Variants in SZRD1 observed in about 807,000 individuals in gnomAD.
The protein encoded by SZRD1 is SUZ RNA-binding domain-containing.
SZRD1 carries 7 observed loss-of-function variants against 17.6 expected under a neutral mutation model. That is an observed-to-expected ratio of 0.40 (90% CI 0.23 to 0.75). The LOEUF is 0.75. Ranked by LOEUF, SZRD1 falls within the 30% of genes least tolerant of loss-of-function variation. The pLI, the probability that SZRD1 is intolerant of heterozygous loss-of-function variation, is 0.38. For missense variants in SZRD1, 178 were observed against 201.8 expected (o/e 0.88, Z 0.71); for synonymous variants, 77 against 77.9 (o/e 0.99, Z 0.06).
intron 1 of SZRD1, chr1:16,369,141 A>G: frequency 2.4e-6 from 1 of 425,426 alleles, no homozygotes; most frequent in Non-Finnish European, 4.2e-6. Context: ...TATTCCAGAT[A>G]AATGAAATTT....
intron 1 of SZRD1, among the ~76,000 whole-genome samples, chr1:16,371,449 CTT>C (rs543590679): frequency 0.024 from 3,272 of 135,462 alleles, 162 homozygotes; most frequent in African/African-American, 0.086. Context: ...CTTTTTTTTC[CTT>C]TTTTTTTTTC....
Position 16,393,529 on chromosome 1 carries a change from C to T in SZRD1, c.356+47C>T, listed in dbSNP as rs866892910. On this transcript the variant is annotated intron_variant, in intron 3 of 3. Coordinates refer to ENST00000401088, the MANE Select transcript of SZRD1 (RefSeq NM_001114600.3). The surrounding 1 kb of genome is among the most constrained non-coding windows in gnomAD (Gnocchi z 5.6). ...GGCCAGTGATGGCTGTCCCAGTCCA[C>T]CCGGGAAGAGGAGAGCATCCTGGCT... is the stretch of plus-strand genomic sequence containing the variant. 1.9e-6 allele frequency: 3 copies of T among 1,556,630 alleles called. No homozygotes were observed. Among genetic ancestry groups the T allele is most frequent in the South Asian group, 1.2e-5 (1 of 86,076 alleles).
At position 16,371,876 on chromosome 1, in the gene SZRD1, T is replaced by C. The variant is rs180978210; in HGVS notation, c.51+4568T>C. ...AGCTGGGCCCACAGGCGTGTACCAC[T>C]ATGTGCCTGGCTAATTTAAAAAGAA... is the stretch of plus-strand genomic sequence containing the variant. On this transcript the variant is annotated intron_variant, in intron 1 of 3. Transcript: ENST00000401088. Among the ~76,000 whole-genome samples the C allele has an allele frequency of 8.6e-3, 1,309 of 152,292 alleles. 11 individuals carry two copies. The highest frequency in any genetic ancestry group is 0.013 in the Non-Finnish European group (888 of 68,026).
chr1:16,389,786 T>C (rs184251046), intron 1 of SZRD1, among the ~76,000 whole-genome samples: 1 of 152,328 alleles, frequency 6.6e-6, no homozygotes, highest in Admixed American at 6.5e-5. Flanking sequence ...CTTACGAAAA[T>C]GGCCTACATG....
At chr1:16,389,283 G>A (rs1275929275) in intron 1 of SZRD1, among the ~76,000 whole-genome samples, 4 of 147,168 alleles carry the variant, frequency 2.7e-5, no homozygotes, top group South Asian at 4.4e-4. Flanking sequence ...GGGTGGGGGG[G>A]GGGCAGAGTC....
At chr1:16,392,294 C>G (rs968858548) in intron 2 of SZRD1, among the ~76,000 whole-genome samples, 6 of 152,216 alleles carry the variant, frequency 3.9e-5, no homozygotes, top group Non-Finnish European at 8.8e-5. Flanking sequence ...GCTCTGGAAG[C>G]AGGCTTGTTT....
chr1:16,376,144 C>A (rs1174976866), intron 1 of SZRD1, among the ~76,000 whole-genome samples: 2 of 152,182 alleles, frequency 1.3e-5, no homozygotes, highest in Non-Finnish European at 2.9e-5. Flanking sequence ...GGGAGGAAAT[C>A]ATGTGGTCGG....
chr1:16,381,381 C>A (rs2083098923), intron 1 of SZRD1, among the ~76,000 whole-genome samples: 1 of 150,946 alleles, frequency 6.6e-6, no homozygotes, highest in Non-Finnish European at 1.5e-5. Context: ...CATGGTGAAA[C>A]CCCATCTCTG....
chr1:16,367,377 G>C, intron 1 of SZRD1, 69 bp downstream of exon 1: 12 of 1,441,432 alleles, frequency 8.3e-6, no homozygotes, highest in Non-Finnish European at 1.1e-5. Context: ...TCCGGGGAGC[G>C]GGTCTGGAGA....
chr1:16,372,383 G>A (rs2082929507), intron 1 of SZRD1, among the ~76,000 whole-genome samples: 1 of 152,126 alleles, frequency 6.6e-6, no homozygotes, highest in African/African-American at 2.4e-5. Flanking sequence ...TGAGGCAGGA[G>A]AATCTCTTGA....
chr1:16,395,023 T>A lies in SZRD1; in HGVS notation c.357-15T>A. 2 of 1,523,280 alleles carry A rather than the reference T, an allele frequency of 1.3e-6. No individual in the cohort carries two copies. The highest frequency in any genetic ancestry group is 4.5e-5 in the East Asian group (2 of 44,316). 94.4% of individuals were successfully genotyped at this position (1,523,280 alleles called of 1,614,324 possible). A position where few individuals can be genotyped will look rare whatever the true frequency, so the allele number is the denominator to read the frequency against. ...TATCCTTCTTCAGGCCTTCCTCTGC[T>A]TTTCTTCCTTTCAGGCCAACCAGGA... is the stretch of plus-strand genomic sequence containing the variant. On this transcript the variant is annotated splice_polypyrimidine_tract_variant and intron_variant, in intron 3 of 3. Transcript: ENST00000401088.
At chr1:16,384,935 G>A (rs2083164002) in intron 1 of SZRD1, among the ~76,000 whole-genome samples, 1 of 152,202 alleles carries the variant, frequency 6.6e-6, no homozygotes, top group Non-Finnish European at 1.5e-5. Flanking sequence ...TTCATAGGGA[G>A]CTCAAGGCCA....
rs560896683 is a variant in SZRD1 at position 16,391,876 on chromosome 1, A to T, written c.101+452A>T. On this transcript the variant is annotated intron_variant, in intron 2 of 3. Transcript: ENST00000401088. The surrounding 1 kb of genome is among the most constrained non-coding windows in gnomAD (Gnocchi z 4.3). ...ATCCTGGAAGAAAACATTCTAGGAA[A>T]TTCTTGAAAAAACCTTTAAAAATAG... Among the ~76,000 whole-genome samples, 2 of 152,248 alleles carry T rather than the reference A, an allele frequency of 1.3e-5. No homozygotes were observed. The highest frequency in any genetic ancestry group is 4.2e-4 in the South Asian group (2 of 4,816).
intron 1 of SZRD1, among the ~76,000 whole-genome samples, chr1:16,375,476 G>T (rs540468013): frequency 1.3e-5 from 2 of 151,896 alleles, no homozygotes; most frequent in Non-Finnish European, 2.9e-5. Flanking sequence ...CACCATGCCC[G>T]ACTCATGTTT....
intron 1 of SZRD1, among the ~76,000 whole-genome samples, chr1:16,375,776 T>C (rs2082992380): frequency 6.6e-6 from 1 of 152,152 alleles, no homozygotes; most frequent in Non-Finnish European, 1.5e-5. Context: ...AAAATTGCAT[T>C]CTTCAGGGGC....
intron 1 of SZRD1, among the ~76,000 whole-genome samples, chr1:16,385,669 G>A (rs1373259345): frequency 6.6e-6 from 1 of 152,042 alleles, no homozygotes; most frequent in Non-Finnish European, 1.5e-5. Context: ...GTAACAAACT[G>A]GGTTGTTTGA....
At chr1:16,372,181 C>G (rs959755046) in intron 1 of SZRD1, among the ~76,000 whole-genome samples, 1 of 151,508 alleles carries the variant, frequency 6.6e-6, no homozygotes, top group Non-Finnish European at 1.5e-5. Context: ...TTAAGACAAT[C>G]AATAAAATAT....
rs1013158202 is a variant in SZRD1, at chr1:16,367,452, G to A, written c.51+144G>A. Reference sequence around the variant, plus strand: ...GGTGGTGGAGAGGCCCCCAGTTCCTGAGCGCCGTGAAGGCCTCTTAAAGGG... The same window carrying A: ...GGTGGTGGAGAGGCCCCCAGTTCCTAAGCGCCGTGAAGGCCTCTTAAAGGG... On this transcript the variant is annotated intron_variant, in intron 1 of 3. Coordinates refer to ENST00000401088, the MANE Select transcript of SZRD1 (RefSeq NM_001114600.3). The A allele has an allele frequency of 1.8e-5, 13 of 735,476 alleles. No individual in the cohort carries two copies. The African/African-American group carries it at 1.8e-4, about 10-fold the overall frequency. The allele number at this position is 735,476 out of a possible 1,614,324, so 45.6% of individuals were successfully genotyped here. A position where few individuals can be genotyped will look rare whatever the true frequency, so the allele number is the denominator to read the frequency against.
chr1:16,387,493 C>T (rs1415035960), intron 1 of SZRD1: 1 of 456,244 alleles, frequency 2.2e-6, no homozygotes, highest in South Asian at 1.5e-5. Flanking sequence ...TTGGTTTCTT[C>T]TGCGCTAGAT....
Sources: gnomAD v4.1 joint callset for allele counts (sites outside exome capture counted in the v4.1 genomes callset) on GRCh38, gnomAD v4.1.1 for gene constraint, Gnocchi (gnomAD v3.1) non-coding constraint, MANE v1.5 for transcripts, NCBI Gene and HGNC (gene_info 2026-07-23, HGNC 2026-07-21) for gene names.